GRID2: variants seen among roughly 807,000 people sequenced by gnomAD.
The protein encoded by GRID2 is glutamate ionotropic receptor delta type subunit 2.
Under a neutral mutation model 114.8 loss-of-function variants are expected in GRID2, and 33 were observed. The observed-to-expected ratio is 0.29, with a 90% CI of 0.22 to 0.38. GRID2 has a LOEUF of 0.38. GRID2 is among the 10% of genes least tolerant of loss of function. The probability of loss-of-function intolerance (pLI) is 1.00; values close to 1 mark genes in which losing one functional copy is unlikely to be tolerated. For synonymous variants in GRID2, 505 were observed against 449.9 expected, an observed-to-expected ratio of 1.12 and a Z score of -1.55; for missense variants, 1,184 against 1,257.7, an observed-to-expected ratio of 0.94 and a Z score of 0.89.
chr4:93,563,316 A>G (rs532441024), intron 13 of GRID2, among the ~76,000 whole-genome samples: 1 of 152,036 alleles, frequency 6.6e-6, no homozygotes, highest in East Asian at 1.9e-4. Flanking sequence ...TAAATGGTGT[A>G]TATCTTGTTG....
At chr4:93,327,628 CAA>C (rs889838642) in intron 8 of GRID2, among the ~76,000 whole-genome samples, 4 of 151,662 alleles carry the variant, frequency 2.6e-5, no homozygotes, top group Non-Finnish European at 5.9e-5. Flanking sequence ...TTAAGTGAAA[CAA>C]CTCAGACACA....
intron 2 of GRID2, among the ~76,000 whole-genome samples, chr4:92,782,283 CATTA>C (rs1739118875): frequency 6.6e-6 from 1 of 151,962 alleles, no homozygotes; most frequent in African/African-American, 2.4e-5. Flanking sequence ...AAAATTGTAT[CATTA>C]ATATAATACT....
At chr4:93,728,105 T>C (rs1159869664) in intron 14 of GRID2, among the ~76,000 whole-genome samples, 1 of 152,174 alleles carries the variant, frequency 6.6e-6, no homozygotes, top group Non-Finnish European at 1.5e-5. Context: ...TCTTTCCTGC[T>C]TTCTCTTGTG....
intron 2 of GRID2, among the ~76,000 whole-genome samples, chr4:92,823,570 A>G (rs1265403403): frequency 6.6e-6 from 1 of 152,112 alleles, no homozygotes; most frequent in African/African-American, 2.4e-5. Context: ...TTGTCAACTG[A>G]ATAGTATTTA....
chr4:92,371,445 C>A (rs1419582173), intron 1 of GRID2, among the ~76,000 whole-genome samples: 2 of 152,124 alleles, frequency 1.3e-5, no homozygotes, highest in Non-Finnish European at 2.9e-5. Context: ...AATGCTCATT[C>A]ACCATTCTGA....
intron 2 of GRID2, among the ~76,000 whole-genome samples, chr4:92,718,349 T>C (rs943141446): frequency 6.6e-6 from 1 of 152,122 alleles, no homozygotes; most frequent in Admixed American, 6.6e-5. Flanking sequence ...GTTTTGCCAG[T>C]AAAAGGGTAA....
At chr4:92,943,976 A>C (rs1252583214) in intron 2 of GRID2, among the ~76,000 whole-genome samples, 4 of 152,238 alleles carry the variant, frequency 2.6e-5, no homozygotes, top group African/African-American at 9.6e-5. Flanking sequence ...AGGCCATGTG[A>C]GGTATCAGTC....
chr4:92,548,422 G>C (rs1486566042), intron 1 of GRID2, among the ~76,000 whole-genome samples: 4 of 1,620 alleles, frequency 2.5e-3, no homozygotes, highest in Non-Finnish European at 7.1e-3. Flanking sequence ...TTTTTTTTGA[G>C]ACAGAGTCTT....
chr4:92,738,253 C>T (rs1054318220), intron 2 of GRID2, among the ~76,000 whole-genome samples: 2 of 152,016 alleles, frequency 1.3e-5, no homozygotes, highest in Non-Finnish European at 2.9e-5. Flanking sequence ...ATATCATAAG[C>T]TCTCTTTCAG....
intron 1 of GRID2, among the ~76,000 whole-genome samples, chr4:92,515,929 A>G (rs535426046): frequency 1.3e-5 from 2 of 151,938 alleles, no homozygotes; most frequent in Non-Finnish European, 2.9e-5. Context: ...GATTTTTTTA[A>G]AAAATTGATA....
Position 93,164,152 on chromosome 4 carries a change from C to T in GRID2, c.736-43252C>T, listed in dbSNP as rs150302740. ...TGTGTGACAGGCGAAAAACCAAGCC[C>T]GGGGGGGGAAAAAAAAGGTAATTTA... On this transcript the variant is annotated intron_variant, in intron 4 of 15. Coordinates refer to ENST00000282020, the MANE Select transcript of GRID2 (RefSeq NM_001510.4). Among the ~76,000 whole-genome samples the T allele has an allele frequency of 4.7e-3, 706 of 150,312 alleles. 5 individuals carry two copies. The highest frequency in any genetic ancestry group is 0.014 in the Middle Eastern group (4 of 294).
intron 2 of GRID2, among the ~76,000 whole-genome samples, chr4:92,810,895 G>C (rs141415730): frequency 6.6e-6 from 1 of 152,192 alleles, no homozygotes; most frequent in Non-Finnish European, 1.5e-5. Context: ...GGGTTCAAGT[G>C]ATTCTCATGC....
chr4:92,543,780 G>A (rs552147992), intron 1 of GRID2, among the ~76,000 whole-genome samples: 2 of 152,274 alleles, frequency 1.3e-5, no homozygotes, highest in African/African-American at 4.8e-5. Context: ...AAAAATGACA[G>A]TGTCAAAATT....
chr4:93,782,369 A>G (rs572880680), intron 1 of GRID2, among the ~76,000 whole-genome samples: 4 of 152,304 alleles, frequency 2.6e-5, no homozygotes, highest in East Asian at 3.9e-4. Flanking sequence ...TCAAGCCAAT[A>G]TACTTGACAC....
intron 1 of GRID2, among the ~76,000 whole-genome samples, chr4:92,433,710 G>A (rs1252684982): frequency 1.3e-5 from 2 of 152,108 alleles, no homozygotes; most frequent in East Asian, 1.9e-4. Context: ...CCTGATTTTT[G>A]TATCTTATGG....
intron 8 of GRID2, among the ~76,000 whole-genome samples, chr4:93,337,602 G>A (rs190563329): frequency 2.6e-5 from 4 of 152,236 alleles, no homozygotes; most frequent in African/African-American, 4.8e-5. Flanking sequence ...TTGAAGGGAG[G>A]CATTATCTCT....
chr4:92,712,984 T>C (rs1735327500), intron 2 of GRID2, among the ~76,000 whole-genome samples: 1 of 151,084 alleles, frequency 6.6e-6, no homozygotes, highest in African/African-American at 2.4e-5. Context: ...TTGACTTGAC[T>C]TTTTCTTTTT....
chr4:93,265,060 C>A (rs889435783), intron 8 of GRID2, among the ~76,000 whole-genome samples: 1 of 151,678 alleles, frequency 6.6e-6, no homozygotes, highest in Non-Finnish European at 1.5e-5. Context: ...GGATTACAGG[C>A]ATGAGCCACC....
intron 2 of GRID2, among the ~76,000 whole-genome samples, chr4:92,867,227 A>G (rs1002349499): frequency 6.6e-6 from 1 of 152,134 alleles, no homozygotes; most frequent in Non-Finnish European, 1.5e-5. Context: ...TGTCTTTTAT[A>G]ATTATTCAAA....
Sources: allele counts gnomAD v4.1 joint callset (sites outside exome capture counted in the v4.1 genomes callset), GRCh38; gene constraint gnomAD v4.1.1; transcripts MANE v1.5; gene names NCBI Gene and HGNC (gene_info 2026-07-23, HGNC 2026-07-21).